STAU2: variants seen among roughly 807,000 people sequenced by gnomAD.
STAU2 encodes staufen double-stranded RNA binding protein 2, also known as double-stranded RNA-binding protein Staufen homolog 2.
Under a neutral mutation model 65.9 loss-of-function variants are expected in STAU2, and 20 were observed. The ratio of observed to expected loss-of-function variants is 0.30; its 90% CI spans 0.21 to 0.44. STAU2 has a LOEUF of 0.44. STAU2 is among the 20% of genes least tolerant of loss of function. The pLI, the probability that STAU2 is intolerant of heterozygous loss-of-function variation, is 1.00. For synonymous variants in STAU2, 232 were observed against 233.9 expected, an observed-to-expected ratio of 0.99 and a Z score of 0.07; for missense variants, 558 against 683.9, an observed-to-expected ratio of 0.82 and a Z score of 2.05.
chr8:73,532,687 T>G (rs548072380), intron 13 of STAU2, among the ~76,000 whole-genome samples: 32 of 152,110 alleles, frequency 2.1e-4, no homozygotes, highest in Non-Finnish European at 4.1e-4. Flanking sequence ...AAAAGAGACA[T>G]TTACCATCTA....
intron 3 of STAU2, among the ~76,000 whole-genome samples, chr8:73,731,721 T>C (rs1158429103): frequency 6.6e-6 from 1 of 152,116 alleles, no homozygotes; most frequent in African/African-American, 2.4e-5. Context: ...GAGGATCACC[T>C]GAGGTCAGGA....
intron 13 of STAU2, among the ~76,000 whole-genome samples, chr8:73,489,937 G>C (rs1821081180): frequency 1.3e-5 from 2 of 152,022 alleles, no homozygotes; most frequent in South Asian, 4.1e-4. Context: ...TTATGAAAGA[G>C]AGGGGGGAAA....
At chr8:73,568,350 T>C (rs6996224) in intron 12 of STAU2, among the ~76,000 whole-genome samples, 28,065 of 152,188 alleles carry the variant, frequency 0.18, 2,786 homozygotes, top group African/African-American at 0.24. Flanking sequence ...ATGCCTATAA[T>C]CCTAACACTT....
At chr8:73,550,227 T>G in intron 13 of STAU2, 1 of 985,274 alleles carries the variant, frequency 1.0e-6, no homozygotes. Flanking sequence ...ATATAACGTG[T>G]CCATAAAAAA....
At chr8:73,572,195 A>C (rs1254059929) in intron 12 of STAU2, among the ~76,000 whole-genome samples, 1 of 152,190 alleles carries the variant, frequency 6.6e-6, no homozygotes, top group Non-Finnish European at 1.5e-5. Context: ...CTAAGACTAA[A>C]CCAGGAAGAA....
intron 13 of STAU2, among the ~76,000 whole-genome samples, chr8:73,424,371 T>G (rs1816642020): frequency 6.6e-6 from 1 of 151,934 alleles, no homozygotes; most frequent in South Asian, 2.1e-4. Flanking sequence ...CAGCTAATTT[T>G]TGTATTTTTA....
intron 10 of STAU2, among the ~76,000 whole-genome samples, chr8:73,599,452 T>C (rs1369097283): frequency 6.6e-6 from 1 of 152,100 alleles, no homozygotes; most frequent in Non-Finnish European, 1.5e-5. Flanking sequence ...GCAAGAAAAG[T>C]GGGCAATCCA....
At chr8:73,724,506 A>G (rs1399619552) in intron 3 of STAU2, among the ~76,000 whole-genome samples, 1 of 152,068 alleles carries the variant, frequency 6.6e-6, no homozygotes, top group Non-Finnish European at 1.5e-5. Context: ...TTTCACTTTC[A>G]GTATCACATT....
intron 12 of STAU2, among the ~76,000 whole-genome samples, chr8:73,562,086 T>G (rs2128949865): frequency 1.3e-5 from 2 of 152,384 alleles, no homozygotes; most frequent in South Asian, 2.1e-4. Flanking sequence ...TGAAATATTC[T>G]AACACCATGA....
At position 73,746,620 on chromosome 8, in the gene STAU2, C is replaced by G. The variant is rs573478812; in HGVS notation, c.-197+163G>C. On this transcript the variant is annotated intron_variant, in intron 1 of 14. Coordinates refer to ENST00000524300, the MANE Select transcript of STAU2 (RefSeq NM_001164380.2). ...CCTCCCCGCTGCTGCCCCGAGAGCC[C>G]GATGTGGGAGGGAAGGCGCGGGGGA... Among the ~76,000 whole-genome samples, 44 of 152,096 alleles carry G rather than the reference C, an allele frequency of 2.9e-4. No homozygotes were observed. The East Asian group carries it at 6.6e-3, about 23-fold the overall frequency.
In STAU2 at chr8:73,708,420, T is replaced by C. The variant is rs527372838; in HGVS notation, c.114+612A>G. 4.2e-4 allele frequency among the ~76,000 whole-genome samples: 64 copies of C among 152,276 alleles called. 1 individual carries two copies. The South Asian group carries it at 0.013, about 30-fold the overall frequency. ...TAGAGCTCAAACATAAATGCATTAGTTGTAGATTTGTAACATGTATATATG... is the reference window on the plus strand; with the variant it reads ...TAGAGCTCAAACATAAATGCATTAGCTGTAGATTTGTAACATGTATATATG... On this transcript the variant is annotated intron_variant, in intron 4 of 14. Transcript: ENST00000524300.
intron 13 of STAU2, among the ~76,000 whole-genome samples, chr8:73,471,419 C>T (rs1265176410): frequency 6.6e-6 from 1 of 151,096 alleles, no homozygotes; most frequent in Non-Finnish European, 1.5e-5. Context: ...AACTCCTGGA[C>T]TCAAGTGATC....
intron 13 of STAU2, among the ~76,000 whole-genome samples, chr8:73,524,716 C>T (rs556598374): frequency 6.6e-6 from 1 of 152,082 alleles, no homozygotes; most frequent in Non-Finnish European, 1.5e-5. Flanking sequence ...CTCAGAATAC[C>T]AATTCTGTTT....
rs145917941 is a variant in STAU2, at chr8:73,589,884, AGATGAG to A, written c.1161+5276_1161+5281del. On this transcript the variant is annotated intron_variant, in intron 11 of 14. Coordinates refer to ENST00000524300, the MANE Select transcript of STAU2 (RefSeq NM_001164380.2). ...CCTATAAGGACAAGGAGGATGACAAAGATGAGGATGAGGATGAGGAAGGAAGAGAAG... is the reference window on the plus strand; with the variant it reads ...CCTATAAGGACAAGGAGGATGACAAAGATGAGGATGAGGAAGGAAGAGAAG... Among the ~76,000 whole-genome samples, 1,212 of 152,084 alleles carry A rather than the reference AGATGAG, an allele frequency of 8.0e-3. 7 individuals carry two copies. Among genetic ancestry groups the A allele is most frequent in the Non-Finnish European group, 0.013 (903 of 67,980 alleles).
chr8:73,623,674 G>A (rs1033046999), intron 6 of STAU2, among the ~76,000 whole-genome samples: 2 of 152,024 alleles, frequency 1.3e-5, no homozygotes, highest in South Asian at 2.1e-4. Flanking sequence ...ATGACATGTC[G>A]ATTATTTTGA....
chr8:73,491,809 G>T (rs1028415886), intron 13 of STAU2, among the ~76,000 whole-genome samples: 1 of 151,916 alleles, frequency 6.6e-6, no homozygotes, highest in Non-Finnish European at 1.5e-5. Context: ...ACTTGTTCAT[G>T]TGTTCGGACT....
At chr8:73,458,694 T>A (rs1200434189) in intron 13 of STAU2, 2 of 152,266 alleles carry the variant, frequency 1.3e-5, no homozygotes, top group East Asian at 3.8e-4. Context: ...TACATGAATC[T>A]GATCCTTGTC....
intron 6 of STAU2, among the ~76,000 whole-genome samples, chr8:73,633,608 G>C (rs554710225): frequency 1.3e-5 from 2 of 152,162 alleles, no homozygotes; most frequent in Admixed American, 1.3e-4. Context: ...GGATGGGCTA[G>C]ATCAGTGGTT....
At chr8:73,615,269 T>C (rs1420437580) in intron 8 of STAU2, among the ~76,000 whole-genome samples, 1 of 152,072 alleles carries the variant, frequency 6.6e-6, no homozygotes, top group African/African-American at 2.4e-5. Flanking sequence ...TAGTTGAGGT[T>C]AAAGTGAAAC....
Sources: allele counts gnomAD v4.1 joint callset (sites outside exome capture counted in the v4.1 genomes callset), GRCh38; gene constraint gnomAD v4.1.1; transcripts MANE v1.5; gene names NCBI Gene and HGNC (gene_info 2026-07-23, HGNC 2026-07-21).